Variants in SNX4 observed in about 807,000 individuals in gnomAD.
SNX4 encodes the protein sorting nexin 4.
Under a neutral mutation model 70.8 loss-of-function variants are expected in SNX4, and 49 were observed. The observed-to-expected ratio is 0.69, with a 90% confidence interval of 0.55 to 0.88. The LOEUF is 0.88. SNX4 is among the 40% of genes least tolerant of loss of function. The pLI is 0.00. For missense variants in SNX4, 528 were observed against 544.8 expected, an observed-to-expected ratio of 0.97 and a Z score of 0.31; for synonymous variants, 206 against 183.8, an observed-to-expected ratio of 1.12 and a Z score of -0.98.
At chr3:125,458,049 C>T (rs1048494708) in intron 10 of SNX4, among the ~76,000 whole-genome samples, 3 of 151,856 alleles carry the variant, frequency 2.0e-5, no homozygotes, top group East Asian at 1.9e-4. Context: ...GAACTACATA[C>T]ATAATTAGTT....
chr3:125,487,364 A>C (rs139873830), intron 6 of SNX4, among the ~76,000 whole-genome samples: 2 of 152,324 alleles, frequency 1.3e-5, no homozygotes, highest in African/African-American at 4.8e-5. Flanking sequence ...AAAATTCTAC[A>C]CACAATATGG....
intron 6 of SNX4, among the ~76,000 whole-genome samples, chr3:125,484,030 A>C (rs1220291472): frequency 2.0e-5 from 3 of 152,236 alleles, no homozygotes; most frequent in African/African-American, 7.2e-5. Context: ...AGGACAGTCC[A>C]TACTAGGAAG....
In SNX4 at chr3:125,495,250, TTATATATATATATA is replaced by T. The variant is rs759787193; in HGVS notation, c.597+2077_597+2090del. On this transcript the variant is annotated intron_variant, in intron 5 of 13. Coordinates refer to ENST00000251775, the MANE Select transcript of SNX4 (RefSeq NM_003794.4). The stretch of plus-strand genomic sequence containing the variant: ...GAAATGTGATACACTCATTCTCTCT[TTATATATATATATA>T]TATATATATATATACACATACACAC... Among the ~76,000 whole-genome samples, 6 of 38,166 alleles carry T rather than the reference TTATATATATATATA, an allele frequency of 1.6e-4. 1 individual carries two copies. The South Asian group carries it at 3.3e-3, about 21-fold the overall frequency. 25.0% of individuals were successfully genotyped at this position (38,166 alleles called of 152,430 possible). A position where few individuals can be genotyped will look rare whatever the true frequency, so the allele number is the denominator to read the frequency against.
intron 5 of SNX4, among the ~76,000 whole-genome samples, chr3:125,495,278 A>ATATATATATATATACATACACC (rs35089797): frequency 1.2e-5 from 1 of 84,834 alleles, no homozygotes; most frequent in African/African-American, 3.6e-5. Context: ...ATATATATAT[A>ATATATATATATATACATACACC]CACATACACA....
intron 1 of SNX4, among the ~76,000 whole-genome samples, chr3:125,507,191 G>GAAAAAAAAAAAA (rs753584700): frequency 1.1e-5 from 1 of 90,822 alleles, no homozygotes; most frequent in Admixed American, 1.2e-4. Flanking sequence ...CTGGGTGATA[G>GAAAAAAAAAAAA]AAAAAAAAAA....
chr3:125,509,977 G>C (rs1449306254), intron 1 of SNX4, among the ~76,000 whole-genome samples: 3 of 152,102 alleles, frequency 2.0e-5, no homozygotes, highest in African/African-American at 7.2e-5. Context: ...TGAGGATGTG[G>C]AGAAATTGGA....
chr3:125,459,525 C>T (rs1226207997), intron 10 of SNX4, among the ~76,000 whole-genome samples: 1 of 152,108 alleles, frequency 6.6e-6, no homozygotes, highest in Non-Finnish European at 1.5e-5. Context: ...CAACCTCCAC[C>T]TCCCCTGTTC....
At chr3:125,485,443 A>G (rs1185077491) in intron 6 of SNX4, among the ~76,000 whole-genome samples, 1 of 151,866 alleles carries the variant, frequency 6.6e-6, no homozygotes, top group Non-Finnish European at 1.5e-5. Flanking sequence ...GATTACAGGC[A>G]TGTGCCACCA....
rs1311768219 is a variant in SNX4, at chr3:125,447,802, T to C, written c.1330A>G (p.Lys444Glu). The change falls in exon 14 of 14, where the codon AAG (lysine) becomes GAG (glutamate). Residue 444 changes from lysine to glutamate, a missense_variant. Lys to Glu is a moderately conservative substitution (Grantham distance 56). Transcript: ENST00000251775. ...GATTACATCTTGCTAAAGCATTCCTTAGCATTGGTCCAAACTTGAATTCCC... is the reference window on the plus strand; with the variant it reads ...GATTACATCTTGCTAAAGCATTCCTCAGCATTGGTCCAAACTTGAATTCCC... ...KKGIQVWTNA[K>E]ECFSKM The C allele has an allele frequency of 1.3e-6, 2 of 1,595,090 alleles. No individual in the cohort carries two copies. The highest frequency in any genetic ancestry group is 8.5e-7 in the Non-Finnish European group (1 of 1,172,204).
chr3:125,476,550 C>T, intron 8 of SNX4, 145 bp downstream of exon 8: 2 of 616,332 alleles, frequency 3.2e-6, no homozygotes, highest in Non-Finnish European at 5.8e-6. Context: ...GCCTGGGTGA[C>T]AAGAAAGAAA....
chr3:125,504,605 G>A lies in SNX4; in HGVS notation c.263+18C>T. 6.2e-7 allele frequency: 1 copy of A among 1,606,906 alleles called. No individual in the cohort carries two copies. The highest frequency in any genetic ancestry group is 1.1e-5 in the South Asian group (1 of 89,086). ...AAGCTTTCTGTCTACCTGCCCAGGT[G>A]TAATTTCTGTTACCCACCTTGTTTC... On this transcript the variant is annotated intron_variant, in intron 2 of 13. Coordinates refer to ENST00000251775, the MANE Select transcript of SNX4 (RefSeq NM_003794.4).
At chr3:125,488,172 T>TAA (rs35693375) in intron 6 of SNX4, among the ~76,000 whole-genome samples, 8,810 of 93,376 alleles carry the variant, frequency 0.094, 354 homozygotes, top group Non-Finnish European at 0.1. Flanking sequence ...AATAGTCTAT[T>TAA]AAAAAAAAAA....
At chr3:125,504,793 G>A in intron 1 of SNX4, 49 bp from the exon 2 acceptor site, 1 of 1,579,084 alleles carries the variant, frequency 6.3e-7, no homozygotes. Context: ...CCTTTAAGAT[G>A]GTACTGAAAA....
chr3:125,517,756 G>A lies in SNX4; in HGVS notation c.141+2276C>T, dbSNP rs567419009. Among the ~76,000 whole-genome samples the A allele has an allele frequency of 4.6e-5, 7 of 152,216 alleles. No homozygotes were observed. In the South Asian group the frequency reaches 1.0e-3, roughly 23 times the overall value. ...TTTAGGAGGCTGAGGCAGGCGGATC[G>A]CCTGAGGTCAGGAGTTCGAGACCAG... On this transcript the variant is annotated intron_variant, in intron 1 of 13. Coordinates refer to ENST00000251775, the MANE Select transcript of SNX4 (RefSeq NM_003794.4).
Position 125,520,136 on chromosome 3 carries a change from G to A in SNX4, c.37C>T (p.Gln13Ter). 2.7e-6 allele frequency: 4 copies of A among 1,458,990 alleles called. No individual in the cohort carries two copies. Among genetic ancestry groups the A allele is most frequent in the African/African-American group, 1.5e-5 (1 of 66,690 alleles). The allele number at this position is 1,458,990 out of a possible 1,614,324, so 90.4% of individuals were successfully genotyped here. ...CCCAGCGGCTCCAAGGGCGCCGGCT[G>A]GAGCTGCCGCTCGGGGTCCGGAGGT... ...QAPPDPERQL[Q>*]PAPLEPLGSP... is the part of the protein sequence containing the mutation. Residue 13 changes from glutamine to a stop codon, truncating the protein, a stop_gained, in exon 1 of 14, where the codon CAG becomes TAG. Coordinates refer to ENST00000251775, the MANE Select transcript of SNX4 (RefSeq NM_003794.4). LOFTEE classifies it high-confidence loss of function.
intron 7 of SNX4, among the ~76,000 whole-genome samples, chr3:125,479,455 T>A (rs950544131): frequency 7.9e-5 from 12 of 152,090 alleles, no homozygotes; most frequent in African/African-American, 2.9e-4. Flanking sequence ...CTCAGGAGGC[T>A]GAGGCAGGAG....
chr3:125,449,453 G>C (rs1933519418), intron 13 of SNX4, among the ~76,000 whole-genome samples: 1 of 151,434 alleles, frequency 6.6e-6, no homozygotes, highest in Non-Finnish European at 1.5e-5. Context: ...AAGAAAGAAG[G>C]TCTCACTATG....
At chr3:125,514,656 T>C (rs1294470457) in intron 1 of SNX4, among the ~76,000 whole-genome samples, 1 of 152,126 alleles carries the variant, frequency 6.6e-6, no homozygotes, top group Non-Finnish European at 1.5e-5. Flanking sequence ...CCTCCCAAAG[T>C]GCTGGGATTA....
chr3:125,457,218 A>T, intron 11 of SNX4, 48 bp downstream of exon 11: 11 of 1,318,916 alleles, frequency 8.3e-6, no homozygotes, highest in Non-Finnish European at 1.2e-5. Context: ...TGTGAGGAAC[A>T]TTCCGTGTTG....
Sources: gnomAD v4.1 joint callset for allele counts (sites outside exome capture counted in the v4.1 genomes callset) on GRCh38, gnomAD v4.1.1 for gene constraint, MANE v1.5 for transcripts, NCBI Gene and HGNC (gene_info 2026-07-23, HGNC 2026-07-21) for gene names.